The following LONP2 variants were observed in gnomAD, a reference collection of about 807,000 sequenced individuals.
The protein encoded by LONP2 is lon peptidase 2, peroxisomal.
LONP2 carries 60 observed loss-of-function variants against 85.6 expected under a neutral mutation model. That is an observed-to-expected ratio of 0.70 (90% CI 0.57 to 0.87). The LOEUF is 0.87. Among genes scored for constraint, LONP2 ranks in the 40% least tolerant of loss-of-function variants. LONP2 has a pLI of 0.00. For synonymous variants in LONP2, 395 were observed against 389.7 expected, an observed-to-expected ratio of 1.01 and a Z score of -0.16; for missense variants, 860 against 1,063.5, an observed-to-expected ratio of 0.81 and a Z score of 2.66.
At chr16:48,279,918 T>C (rs1972291267) in intron 8 of LONP2, among the ~76,000 whole-genome samples, 1 of 152,254 alleles carries the variant, frequency 6.6e-6, no homozygotes, top group Admixed American at 6.5e-5. Context: ...ACATGTGTCT[T>C]ATTAAGCAGG....
At chr16:48,315,887 CCA>C (rs1973129847) in intron 11 of LONP2, among the ~76,000 whole-genome samples, 1 of 149,006 alleles carries the variant, frequency 6.7e-6, no homozygotes, top group Non-Finnish European at 1.5e-5. Flanking sequence ...GCCCTGTATT[CCA>C]GTTTGTTATT....
chr16:48,277,391 TG>T lies in LONP2; in HGVS notation c.1298del (p.Gly433GlufsTer2), dbSNP rs1264216218. 19 of 1,613,764 alleles carry T rather than the reference TG, an allele frequency of 1.2e-5. No homozygotes were observed. Among genetic ancestry groups the T allele is most frequent in the South Asian group, 5.5e-5 (5 of 91,060 alleles). On this transcript the variant is annotated frameshift_variant, in exon 8 of 15. Coordinates refer to ENST00000285737, the MANE Select transcript of LONP2 (RefSeq NM_031490.5). LOFTEE classifies it high-confidence loss of function. ...CGCATCATCAACGGCTTGAAGACTG[TG>T]GGAGTGAACAACCCAGTGTTCCTAT... ...PGRIINGLKT[V>X]GVNNPVFLLD...
intron 14 of LONP2, among the ~76,000 whole-genome samples, chr16:48,349,738 T>C (rs1352216329): frequency 6.6e-6 from 1 of 152,198 alleles, no homozygotes; most frequent in Non-Finnish European, 1.5e-5. Context: ...AAACAATTTG[T>C]TGTTAGAACT....
intron 8 of LONP2, among the ~76,000 whole-genome samples, chr16:48,285,046 T>C (rs932672558): frequency 1.1e-4 from 16 of 152,306 alleles, no homozygotes; most frequent in Non-Finnish European, 1.9e-4. Flanking sequence ...CCTGGTGACA[T>C]ATTCTCAGTT....
intron 5 of LONP2, 122 bp downstream of exon 5, chr16:48,261,709 G>GGCCACT (rs1971883298): frequency 4.5e-6 from 3 of 668,874 alleles, no homozygotes; most frequent in Admixed American, 3.6e-5. Flanking sequence ...CACCTGCAGT[G>GGCCACT]TGCTGTCAGG....
chr16:48,333,531 G>A (rs1959533792), intron 11 of LONP2, among the ~76,000 whole-genome samples: 1 of 152,122 alleles, frequency 6.6e-6, no homozygotes, highest in Non-Finnish European at 1.5e-5. Flanking sequence ...GCTGGGTGCA[G>A]CAACTCATGC....
intron 11 of LONP2, among the ~76,000 whole-genome samples, chr16:48,333,292 G>A (rs1003650065): frequency 3.9e-5 from 6 of 152,154 alleles, no homozygotes; most frequent in African/African-American, 1.4e-4. Context: ...GTCAATATTT[G>A]GACAAGATAT....
intron 9 of LONP2, among the ~76,000 whole-genome samples, chr16:48,297,624 T>C (rs1972703063): frequency 1.3e-5 from 2 of 152,230 alleles, no homozygotes; most frequent in South Asian, 4.1e-4. Context: ...TGTCTTTAGA[T>C]TCTAAATGTA....
downstream of LONP2, chr16:48,361,334 C>T (rs1351809802): frequency 4.9e-6 from 2 of 405,604 alleles, no homozygotes; most frequent in East Asian, 4.3e-5. Context: ...TTTCTTAATA[C>T]AAAAGATGCC....
At chr16:48,251,453 A>G (rs1448196555) in intron 1 of LONP2, among the ~76,000 whole-genome samples, 6 of 152,188 alleles carry the variant, frequency 3.9e-5, no homozygotes, top group Admixed American at 3.9e-4. Flanking sequence ...AAGCCTTTTC[A>G]CCTATTGTTA....
At chr16:48,351,114 G>A (rs1248905823) in intron 14 of LONP2, among the ~76,000 whole-genome samples, 1 of 152,166 alleles carries the variant, frequency 6.6e-6, no homozygotes, top group Admixed American at 6.6e-5. Flanking sequence ...CCTAGTTTAG[G>A]GATACATTTT....
intron 8 of LONP2, among the ~76,000 whole-genome samples, chr16:48,281,558 A>G (rs929163427): frequency 9.2e-5 from 14 of 152,202 alleles, no homozygotes; most frequent in African/African-American, 3.4e-4. Context: ...CTTACCAGAT[A>G]TATGTTATAT....
At chr16:48,245,416 T>C (rs1162945578) in intron 1 of LONP2, among the ~76,000 whole-genome samples, 1 of 152,176 alleles carries the variant, frequency 6.6e-6, no homozygotes, top group East Asian at 1.9e-4. Context: ...ATCCATCTCT[T>C]AGGCAAGTTA....
Position 48,255,789 on chromosome 16 carries a change from G to A in LONP2, c.469-821G>A, listed in dbSNP as rs184494447. The stretch of plus-strand genomic sequence containing the variant: ...TTCCCCTGCACACGCTGTCTTGCCT[G>A]CTACCATGTAAGACAGGCCTTTGCT... On this transcript the variant is annotated intron_variant, in intron 2 of 14. Coordinates refer to ENST00000285737, the MANE Select transcript of LONP2 (RefSeq NM_031490.5). Among the ~76,000 whole-genome samples, 135 of 152,204 alleles carry A rather than the reference G, an allele frequency of 8.9e-4. 2 individuals are homozygous for A. In the East Asian group the frequency reaches 0.025, roughly 28 times the overall value.
At chr16:48,246,666 C>T (rs1456249705) in intron 1 of LONP2, among the ~76,000 whole-genome samples, 1 of 152,174 alleles carries the variant, frequency 6.6e-6, no homozygotes, top group Non-Finnish European at 1.5e-5. Context: ...GATTGAACTC[C>T]TGGGCTCAAG....
In LONP2 at chr16:48,283,198, A is replaced by G. The variant is rs1972366785; in HGVS notation, c.1383+5719A>G. On this transcript the variant is annotated intron_variant, in intron 8 of 14. Transcript: ENST00000285737. ...TTTAAGGCAAGAAGCCATTTCTACA[A>G]CATAAAGTGCAAAGGGAAGCAGCAA... Among the ~76,000 whole-genome samples the G allele has an allele frequency of 2.0e-5, 3 of 152,248 alleles. No individual in the cohort carries two copies. The South Asian group carries it at 6.2e-4, about 31-fold the overall frequency.
chr16:48,264,530 C>T (rs1971949176), intron 6 of LONP2, among the ~76,000 whole-genome samples: 1 of 152,308 alleles, frequency 6.6e-6, no homozygotes, highest in Non-Finnish European at 1.5e-5. Context: ...CCACGGTGCT[C>T]AGATTTCATA....
rs146545832 is a variant in LONP2, at chr16:48,352,958, T to C, written c.*1156T>C. ...CCCATGTGCTCCTGCTGGGACTCAA[T>C]TCAGGCTATGTATGACTATGAAGTC... On this transcript the variant is annotated 3_prime_UTR_variant, in exon 15 of 15. Coordinates refer to ENST00000285737, the MANE Select transcript of LONP2 (RefSeq NM_031490.5). The C allele has an allele frequency of 6.6e-6, 1 of 152,360 alleles. No individual in the cohort carries two copies. Among genetic ancestry groups the C allele is most frequent in the Non-Finnish European group, 1.5e-5 (1 of 68,038 alleles). 9.4% of individuals were successfully genotyped at this position (152,360 alleles called of 1,614,324 possible). A position where few individuals can be genotyped will look rare whatever the true frequency, so the allele number is the denominator to read the frequency against.
chr16:48,325,248 C>G (rs1028077652), intron 11 of LONP2, among the ~76,000 whole-genome samples: 1 of 152,152 alleles, frequency 6.6e-6, no homozygotes, highest in African/African-American at 2.4e-5. Flanking sequence ...GTGCTCAGGC[C>G]GTAATGCTTG....
Sources: allele counts gnomAD v4.1 joint callset (sites outside exome capture counted in the v4.1 genomes callset), GRCh38; gene constraint gnomAD v4.1.1; transcripts MANE v1.5; gene names NCBI Gene and HGNC (gene_info 2026-07-23, HGNC 2026-07-21).